Variants in MBD5 observed in about 807,000 individuals in gnomAD.
MBD5 encodes the protein methyl-CpG-binding domain protein 5.
In MBD5, 13 loss-of-function variants were observed where a neutral mutation model predicts 117.3. The observed-to-expected ratio is 0.11, with a 90% CI of 0.07 to 0.18. MBD5 has a LOEUF of 0.18. Ranked by LOEUF, MBD5 falls within the 10% of genes least tolerant of loss-of-function variation. MBD5 has a pLI of 1.00. For synonymous variants in MBD5, 727 were observed against 766.4 expected (o/e 0.95, Z 0.85); for missense variants, 1,879 against 2,093.8 (o/e 0.90, Z 2.00).
intron 1 of MBD5, among the ~76,000 whole-genome samples, chr2:148,166,964 G>GTT (rs994845178): frequency 2.0e-5 from 3 of 151,670 alleles, no homozygotes; most frequent in Non-Finnish European, 4.4e-5. Context: ...TTTTGTTTCT[G>GTT]TTTTTTTGAT....
At chr2:148,438,479 T>C (rs1191468187) in intron 4 of MBD5, among the ~76,000 whole-genome samples, 2 of 152,180 alleles carry the variant, frequency 1.3e-5, no homozygotes, top group African/African-American at 2.4e-5. Flanking sequence ...CATAGCCCTT[T>C]TGCAACAGAA....
At chr2:148,430,252 A>G (rs1705941455) in intron 4 of MBD5, among the ~76,000 whole-genome samples, 1 of 152,106 alleles carries the variant, frequency 6.6e-6, no homozygotes, top group Admixed American at 6.6e-5. Flanking sequence ...CATTTTCTGA[A>G]CAATCTATTA....
chr2:148,098,682 TCTA>T (rs948804942), intron 1 of MBD5, among the ~76,000 whole-genome samples: 3 of 152,164 alleles, frequency 2.0e-5, no homozygotes, highest in African/African-American at 7.2e-5. Flanking sequence ...GCTAAGGTAT[TCTA>T]CTGTTTCAGA....
intron 1 of MBD5, among the ~76,000 whole-genome samples, chr2:148,155,390 G>C (rs1697845604): frequency 6.6e-6 from 1 of 152,204 alleles, no homozygotes; most frequent in South Asian, 2.1e-4. Context: ...AGCGATAGGA[G>C]AGAGCTCAGA....
intron 1 of MBD5, among the ~76,000 whole-genome samples, chr2:148,172,625 G>C (rs948424689): frequency 6.6e-6 from 1 of 152,188 alleles, no homozygotes; most frequent in Non-Finnish European, 1.5e-5. Flanking sequence ...CCCACCTTCA[G>C]ACTAAGGACA....
At chr2:148,065,700 T>C (rs1171145254) in intron 1 of MBD5, among the ~76,000 whole-genome samples, 1 of 152,212 alleles carries the variant, frequency 6.6e-6, no homozygotes, top group African/African-American at 2.4e-5. Context: ...AAGTAGGGAA[T>C]AGGAACATCA....
chr2:148,044,288 A>T (rs1213033256), intron 1 of MBD5: 2 of 152,228 alleles, frequency 1.3e-5, no homozygotes, highest in African/African-American at 4.8e-5. Context: ...TAGTAGGGAC[A>T]TGCCATTATC....
At chr2:148,102,727 CACAGAGAGAGAG>C (rs1558926479) in intron 1 of MBD5, among the ~76,000 whole-genome samples, 4 of 62,856 alleles carry the variant, frequency 6.4e-5, no homozygotes, top group African/African-American at 2.1e-4. Flanking sequence ...CACACACACA[CACAGAGAGAGAG>C]AGAGAGAGAG....
intron 4 of MBD5, among the ~76,000 whole-genome samples, chr2:148,445,125 TC>T (rs1192980422): frequency 6.6e-6 from 1 of 151,266 alleles, no homozygotes; most frequent in African/African-American, 2.5e-5. Context: ...CCCTAGTTTT[TC>T]TTTTTTCTTT....
chr2:148,431,682 G>A (rs1705989625), intron 4 of MBD5, among the ~76,000 whole-genome samples: 1 of 152,092 alleles, frequency 6.6e-6, no homozygotes, highest in Non-Finnish European at 1.5e-5. Context: ...ATGGCCTGCA[G>A]CTCCATCCAT....
chr2:148,482,419 GATAA>G (rs1227881635), intron 8 of MBD5, among the ~76,000 whole-genome samples: 8 of 151,696 alleles, frequency 5.3e-5, no homozygotes, highest in East Asian at 3.9e-4. Flanking sequence ...ACAATATATT[GATAA>G]ATAAAAAAGC....
chr2:148,367,927 C>T (rs1483277595), intron 4 of MBD5, among the ~76,000 whole-genome samples: 1 of 152,108 alleles, frequency 6.6e-6, no homozygotes, highest in East Asian at 1.9e-4. Flanking sequence ...GGCGATTCCT[C>T]AAGGATCTAA....
chr2:148,336,677 A>G (rs1479944332), intron 3 of MBD5, among the ~76,000 whole-genome samples: 3 of 152,152 alleles, frequency 2.0e-5, no homozygotes, highest in African/African-American at 7.2e-5. Context: ...ATGAGCCACC[A>G]TACCTGGCCT....
chr2:148,411,850 T>C (rs1193846251), intron 4 of MBD5, among the ~76,000 whole-genome samples: 1 of 152,130 alleles, frequency 6.6e-6, no homozygotes, highest in African/African-American at 2.4e-5. Context: ...ATTTTAATAT[T>C]GAGTCACATT....
chr2:148,311,094 A>G (rs988539781), intron 3 of MBD5, among the ~76,000 whole-genome samples: 6 of 152,136 alleles, frequency 3.9e-5, no homozygotes, highest in Non-Finnish European at 5.9e-5. Context: ...AATAAGTGCT[A>G]TGTGATGCTG....
chr2:148,026,198 TACCCAGC>T (rs1188787988), intron 1 of MBD5: 1 of 152,186 alleles, frequency 6.6e-6, no homozygotes, highest in African/African-American at 2.4e-5. Flanking sequence ...TGATTATAAG[TACCCAGC>T]ACTGTGATAA....
intron 1 of MBD5, among the ~76,000 whole-genome samples, chr2:148,129,001 T>C (rs965847502): frequency 6.6e-6 from 1 of 152,164 alleles, no homozygotes; most frequent in African/African-American, 2.4e-5. Context: ...AGTTGAAGCT[T>C]TAGTCTATTT....
intron 4 of MBD5, among the ~76,000 whole-genome samples, chr2:148,438,451 C>T (rs1706219241): frequency 1.3e-5 from 2 of 152,126 alleles, no homozygotes; most frequent in Admixed American, 6.6e-5. Flanking sequence ...ATTAAGTAGC[C>T]TTGTACACTT....
chr2:148,093,113 G>A (rs781539772), intron 1 of MBD5, among the ~76,000 whole-genome samples: 2 of 152,088 alleles, frequency 1.3e-5, no homozygotes, highest in Non-Finnish European at 2.9e-5. Context: ...GTTTCACCAT[G>A]TTGGTCAGGC....
Sources: gnomAD v4.1 joint callset for allele counts (sites outside exome capture counted in the v4.1 genomes callset) on GRCh38, gnomAD v4.1.1 for gene constraint, MANE v1.5 for transcripts, NCBI Gene and HGNC (gene_info 2026-07-23, HGNC 2026-07-21) for gene names.